MINDY2: variants seen among roughly 807,000 people sequenced by gnomAD.
MINDY2 encodes MINDY lysine 48 deubiquitinase 2.
Under a neutral mutation model 68.2 loss-of-function variants are expected in MINDY2, and 52 were observed. The ratio of observed to expected loss-of-function variants is 0.76; its 90% CI spans 0.61 to 0.96. MINDY2 has a LOEUF of 0.96. Ranked by LOEUF, MINDY2 falls within the 40% of genes least tolerant of loss-of-function variation. The pLI, the probability that MINDY2 is intolerant of heterozygous loss-of-function variation, is 0.00. For synonymous variants in MINDY2, 372 were observed against 303.0 expected (o/e 1.23, Z -2.36); for missense variants, 881 against 773.4 (o/e 1.14, Z -1.65).
chr15:58,805,621 A>G (rs1294673280), intron 3 of MINDY2, among the ~76,000 whole-genome samples: 1 of 152,232 alleles, frequency 6.6e-6, no homozygotes, highest in Non-Finnish European at 1.5e-5. Context: ...AGGATCCACT[A>G]GTACTCCCTT....
chr15:58,815,944 C>A (rs564953363), intron 4 of MINDY2, among the ~76,000 whole-genome samples: 1 of 152,278 alleles, frequency 6.6e-6, no homozygotes, highest in Admixed American at 6.5e-5. Context: ...TCCCAAAGTG[C>A]TGGGATTACA....
rs1355385965 is a variant in MINDY2, at chr15:58,771,837, T to C, written c.442T>C (p.Ser148Pro). The change falls in exon 1 of 9, where the codon TCC (serine) becomes CCC (proline). Residue 148 changes from serine (S) to proline (P), a missense_variant. Ser to Pro is a moderately conservative substitution (Grantham distance 74). Coordinates refer to ENST00000559228, the MANE Select transcript of MINDY2 (RefSeq NM_001040450.3). ...TCQAELTAAGSEEPSSAGGLS... is the reference protein window; with the variant it reads ...TCQAELTAAGPEEPSSAGGLS... ...CCAAGCAGAACTGACCGCCGCCGGC[T>C]CCGAAGAGCCCAGCAGCGCCGGCGG... The C allele has an allele frequency of 6.2e-7, 1 of 1,607,414 alleles. No individual in the cohort carries two copies. The highest frequency in any genetic ancestry group is 8.5e-7 in the Non-Finnish European group (1 of 1,177,420).
chr15:58,848,093 T>G (rs2032625428), intron 7 of MINDY2, among the ~76,000 whole-genome samples: 1 of 133,772 alleles, frequency 7.5e-6, no homozygotes. Flanking sequence ...TTTTTTTTTT[T>G]GACAGATGAG....
At chr15:58,773,369 T>C (rs2140883387) in intron 1 of MINDY2, among the ~76,000 whole-genome samples, 1 of 152,358 alleles carries the variant, frequency 6.6e-6, no homozygotes, top group East Asian at 1.9e-4. Flanking sequence ...CAAACATGCC[T>C]TTATCTTCCT....
chr15:58,842,013 C>T (rs1415596144), intron 6 of MINDY2, among the ~76,000 whole-genome samples: 3 of 151,978 alleles, frequency 2.0e-5, no homozygotes, highest in African/African-American at 7.2e-5. Context: ...TCACCACCCT[C>T]TGATAACTTC....
chr15:58,836,785 A>G (rs1344633631), intron 6 of MINDY2, among the ~76,000 whole-genome samples: 2 of 151,832 alleles, frequency 1.3e-5, no homozygotes, highest in Non-Finnish European at 2.9e-5. Flanking sequence ...CACCTGGCCA[A>G]TTTAAAATTT....
Position 58,771,482 on chromosome 15 carries a change from G to C in MINDY2, c.87G>C (p.Gly29=). 6.2e-7 allele frequency: 1 copy of C among 1,612,584 alleles called. No individual in the cohort carries two copies. The stretch of plus-strand genomic sequence containing the variant: ...CAGGGACAGGTTCTTCGCAGGAAGG[G>C]CTACAGGAGACCAGGCTCGCCGCTG... ...PASGTGSSQE[G]LQETRLAAGD... Residue 29 remains glycine (G), a synonymous_variant, in exon 1 of 9, where the codon GGG becomes GGC. Coordinates refer to ENST00000559228, the MANE Select transcript of MINDY2 (RefSeq NM_001040450.3).
In MINDY2 at chr15:58,859,420, G is replaced by A. The variant is rs1418937327; in HGVS notation, c.*4810G>A. 1 of 152,114 alleles carries A rather than the reference G, an allele frequency of 6.6e-6. No homozygotes were observed. Among genetic ancestry groups the A allele is most frequent in the Non-Finnish European group, 1.5e-5 (1 of 67,996 alleles). 9.4% of individuals were successfully genotyped at this position (152,114 alleles called of 1,614,324 possible). A position where few individuals can be genotyped will look rare whatever the true frequency, so the allele number is the denominator to read the frequency against. On this transcript the variant is annotated 3_prime_UTR_variant, in exon 9 of 9. Transcript: ENST00000559228. ...ATAAATTGTGTTTTTAGTGTAAAAT[G>A]TTATTTGATAATGTGAAGTTAAATC...
rs149411975 is a variant in MINDY2, at chr15:58,811,183, T to C, written c.1122+795T>C. Among the ~76,000 whole-genome samples the C allele has an allele frequency of 1.5e-3, 222 of 152,370 alleles. 3 individuals are homozygous for C. The highest frequency in any genetic ancestry group is 5.1e-3 in the African/African-American group (212 of 41,596). On this transcript the variant is annotated intron_variant, in intron 4 of 8. Transcript: ENST00000559228. ...GGAGCTGGGACAAAGGTCAAACCTC[T>C]CTTTGGGCAAGACCGTATTCTTTAT...
At chr15:58,791,215 T>TTATATATATACATATA in intron 2 of MINDY2, among the ~76,000 whole-genome samples, 1 of 79,612 alleles carries the variant, frequency 1.3e-5, no homozygotes, top group South Asian at 3.8e-4. Context: ...GAAAGCAATT[T>TTATATATATACATATA]TATATATATA....
intron 4 of MINDY2, among the ~76,000 whole-genome samples, chr15:58,820,443 CAA>C (rs1313993928): frequency 3.5e-4 from 31 of 88,260 alleles, no homozygotes; most frequent in East Asian, 3.4e-4. Flanking sequence ...GACTCCATCT[CAA>C]AAAAAAAAAA....
In MINDY2 at chr15:58,839,900, T is replaced by G. The variant is rs113710021; in HGVS notation, c.1369-7397T>G. On this transcript the variant is annotated intron_variant, in intron 6 of 8. Coordinates refer to ENST00000559228, the MANE Select transcript of MINDY2 (RefSeq NM_001040450.3). ...CAGGCTGGAGTGCAGTGGAGCAATC[T>G]CAGCTCACTGCAACCTCCACCTCCC... is the stretch of plus-strand genomic sequence containing the variant. Among the ~76,000 whole-genome samples the G allele has an allele frequency of 9.0e-3, 1,363 of 151,242 alleles. 20 individuals carry two copies. The highest frequency in any genetic ancestry group is 0.031 in the African/African-American group (1,284 of 41,230).
chr15:58,850,508 T>A (rs944240130), intron 7 of MINDY2, among the ~76,000 whole-genome samples: 7 of 152,246 alleles, frequency 4.6e-5, no homozygotes, highest in African/African-American at 1.2e-4. Context: ...TGTTTATGGT[T>A]TTCAGTTTTG....
rs755605677 is a variant in MINDY2, at chr15:58,847,252, T to C, written c.1369-45T>C. ...TTCCTTAAATATTATATTACTAGTT[T>C]TGATCAATTTAACAGTCCTTTTTCT... On this transcript the variant is annotated intron_variant, in intron 6 of 8. Coordinates refer to ENST00000559228, the MANE Select transcript of MINDY2 (RefSeq NM_001040450.3). The C allele has an allele frequency of 5.6e-6, 8 of 1,440,230 alleles. No homozygotes were observed. In the African/African-American group the frequency reaches 1.1e-4, roughly 20 times the overall value. The allele number at this position is 1,440,230 out of a possible 1,614,324, so 89.2% of individuals were successfully genotyped here. A position where few individuals can be genotyped will look rare whatever the true frequency, so the allele number is the denominator to read the frequency against.
Position 58,845,638 on chromosome 15 carries a change from A to C in MINDY2, c.1369-1659A>C, listed in dbSNP as rs540796474. Among the ~76,000 whole-genome samples the C allele has an allele frequency of 5.9e-5, 9 of 152,344 alleles. No individual in the cohort carries two copies. The South Asian group carries it at 1.9e-3, about 32-fold the overall frequency. ...ACAACCACTATGGAGAACAGTTTAGAGGTTCCTCAAGACACTAAAAGTAGA... is the reference window on the plus strand; with the variant it reads ...ACAACCACTATGGAGAACAGTTTAGCGGTTCCTCAAGACACTAAAAGTAGA... On this transcript the variant is annotated intron_variant, in intron 6 of 8. Coordinates refer to ENST00000559228, the MANE Select transcript of MINDY2 (RefSeq NM_001040450.3).
At chr15:58,846,080 G>A (rs371537788) in intron 6 of MINDY2, among the ~76,000 whole-genome samples, 2 of 146,784 alleles carry the variant, frequency 1.4e-5, no homozygotes. Flanking sequence ...AGGATGGATG[G>A]TTAATGGATG....
chr15:58,793,159 A>G (rs917825237), intron 2 of MINDY2, among the ~76,000 whole-genome samples: 1 of 152,194 alleles, frequency 6.6e-6, no homozygotes. Context: ...ATGTTCTAAA[A>G]TTAGATCATG....
rs754415482 is a variant in MINDY2 at position 58,771,958 on chromosome 15, G to T, written c.563G>T (p.Ser188Ile). 6.4e-7 allele frequency: 1 copy of T among 1,561,208 alleles called. No homozygotes were observed. Among genetic ancestry groups the T allele is most frequent in the Admixed American group, 1.9e-5 (1 of 51,504 alleles). ...SFSNLHSFPSSCEFNSEEGAE... is the reference protein window; with the variant it reads ...SFSNLHSFPSICEFNSEEGAE... ...TCTAACCTGCATTCTTTTCCCAGTA[G>T]CTGCGAGTTCAATAGTGAGGAGGGA... Residue 188 changes from serine (S) to isoleucine (I), a missense_variant, in exon 1 of 9, where the codon AGC becomes ATC. Transcript: ENST00000559228.
rs894748901 is a variant in MINDY2 at position 58,861,744 on chromosome 15, A to G, written c.*7134A>G. 42 of 152,282 alleles carry G rather than the reference A, an allele frequency of 2.8e-4. No individual in the cohort carries two copies. The highest frequency in any genetic ancestry group is 8.9e-4 in the African/African-American group (37 of 41,564). The allele number at this position is 152,282 out of a possible 1,614,324, so 9.4% of individuals were successfully genotyped here. A position where few individuals can be genotyped will look rare whatever the true frequency, so the allele number is the denominator to read the frequency against. ...TCAGTATTATTCAACATTTACTTTCATGTTTGTTATTGTACCACAAAGATA... is the reference window on the plus strand; with the variant it reads ...TCAGTATTATTCAACATTTACTTTCGTGTTTGTTATTGTACCACAAAGATA... On this transcript the variant is annotated 3_prime_UTR_variant, in exon 9 of 9. Transcript: ENST00000559228.
Sources: gnomAD v4.1 joint callset for allele counts (sites outside exome capture counted in the v4.1 genomes callset) on GRCh38, gnomAD v4.1.1 for gene constraint, MANE v1.5 for transcripts, NCBI Gene and HGNC (gene_info 2026-07-23, HGNC 2026-07-21) for gene names.